The following RBM25 variants were observed in gnomAD, a reference collection of about 807,000 sequenced individuals.
RBM25 encodes the protein RNA-binding protein 25.
Under a neutral mutation model 120.7 loss-of-function variants are expected in RBM25, and 19 were observed. That is an observed-to-expected ratio of 0.16 (90% CI 0.11 to 0.23). The LOEUF (loss-of-function observed/expected upper bound fraction) is 0.23. Ranked by LOEUF, RBM25 falls within the 10% of genes least tolerant of loss-of-function variation. The probability of loss-of-function intolerance (pLI) is 1.00; values close to 1 mark genes in which losing one functional copy is unlikely to be tolerated. For synonymous variants in RBM25, 390 were observed against 326.7 expected (o/e 1.19, Z -2.09); for missense variants, 605 against 1,041.5 (o/e 0.58, Z 5.77).
rs1018593359 is a variant in RBM25, at chr14:73,099,809, A to G, written c.867+59A>G. The stretch of plus-strand genomic sequence containing the variant: ...TAGACTTTTTACAGAATCCAAAGCA[A>G]AGAGACAAAAAAAATCAACCTTAAA... On this transcript the variant is annotated intron_variant, in intron 9 of 18. Coordinates refer to ENST00000261973, the MANE Select transcript of RBM25 (RefSeq NM_021239.3). The G allele has an allele frequency of 7.9e-6, 12 of 1,520,450 alleles. No homozygotes were observed. In the African/African-American group the frequency reaches 1.6e-4, roughly 20 times the overall value. The allele number at this position is 1,520,450 out of a possible 1,614,324, so 94.2% of individuals were successfully genotyped here.
At chr14:73,088,812 T>C (rs928481627) in intron 6 of RBM25, among the ~76,000 whole-genome samples, 1 of 152,232 alleles carries the variant, frequency 6.6e-6, no homozygotes, top group African/African-American at 2.4e-5. Context: ...GAAGAGTCTT[T>C]CGCTGTCGTC....
intron 1 of RBM25, chr14:73,069,947 T>G (rs1439530808): frequency 6.6e-6 from 1 of 151,428 alleles, no homozygotes; most frequent in Non-Finnish European, 1.5e-5. Context: ...TTGGCTAATT[T>G]GGAAATTGTT....
chr14:73,123,679 A>G lies in RBM25; in HGVS notation c.*3874A>G, dbSNP rs943881114. On this transcript the variant is annotated 3_prime_UTR_variant, in exon 19 of 19. Transcript: ENST00000261973. The stretch of plus-strand genomic sequence containing the variant: ...CTTACACTTTTTGATAAACTGATAG[A>G]TTTTTTGTAATGTGATTATGGTAAA... The G allele has an allele frequency of 6.6e-6, 1 of 152,178 alleles. No individual in the cohort carries two copies. 9.4% of individuals were successfully genotyped at this position (152,178 alleles called of 1,614,324 possible).
chr14:73,094,045 G>A (rs189804071), intron 6 of RBM25, among the ~76,000 whole-genome samples: 2,201 of 144,862 alleles, frequency 0.015, 43 homozygotes, highest in African/African-American at 0.051. Flanking sequence ...TCCGCCTCCC[G>A]GGTTCACGCC....
At position 73,096,724 on chromosome 14, in the gene RBM25, A is replaced by G. The variant is rs3025761; in HGVS notation, c.544-191A>G. Among the ~76,000 whole-genome samples, 1,098 of 152,348 alleles carry G rather than the reference A, an allele frequency of 7.2e-3. 12 individuals are homozygous for G. The highest frequency in any genetic ancestry group is 0.025 in the African/African-American group (1,055 of 41,572). ...ATTAAGAAAAAGAAAATGAAAATGA[A>G]GTAGTATCTCAGGAATAGTTAAATA... On this transcript the variant is annotated intron_variant, in intron 6 of 18. Coordinates refer to ENST00000261973, the MANE Select transcript of RBM25 (RefSeq NM_021239.3).
intron 6 of RBM25, among the ~76,000 whole-genome samples, chr14:73,092,852 C>G (rs1273002827): frequency 6.6e-6 from 1 of 152,142 alleles, no homozygotes; most frequent in African/African-American, 2.4e-5. Flanking sequence ...CAGGCATGAG[C>G]CACTGTGCCC....
At chr14:73,065,696 G>T (rs2140421515) in intron 1 of RBM25, among the ~76,000 whole-genome samples, 1 of 152,200 alleles carries the variant, frequency 6.6e-6, no homozygotes, top group South Asian at 2.1e-4. Context: ...GGGATTACAG[G>T]CATGAGCCAC....
intron 9 of RBM25, chr14:73,102,963 A>G (rs1054885374): frequency 9.2e-6 from 7 of 762,816 alleles, no homozygotes; most frequent in Non-Finnish European, 1.3e-5. Flanking sequence ...ACAATCTCCC[A>G]GCATCCAAGA....
At chr14:73,108,538 A>G (rs3025768) in intron 13 of RBM25, among the ~76,000 whole-genome samples, 2,637 of 152,076 alleles carry the variant, frequency 0.017, 54 homozygotes, top group East Asian at 0.049. Context: ...TTTTCAAACT[A>G]CTCTCATTCT....
At chr14:73,098,737 G>A (rs758402879) in intron 7 of RBM25, among the ~76,000 whole-genome samples, 63 of 150,082 alleles carry the variant, frequency 4.2e-4, no homozygotes, top group Non-Finnish European at 7.4e-4. Flanking sequence ...TCTGCCTCCC[G>A]GGTTCAAGCG....
chr14:73,062,080 C>T (rs1197309530), intron 1 of RBM25, among the ~76,000 whole-genome samples: 1 of 151,330 alleles, frequency 6.6e-6, no homozygotes, highest in Non-Finnish European at 1.5e-5. Context: ...CAGCCCAGAA[C>T]TCCAGGGCTC....
intron 1 of RBM25, among the ~76,000 whole-genome samples, chr14:73,067,857 C>T (rs1895179148): frequency 6.6e-6 from 1 of 151,954 alleles, no homozygotes; most frequent in Non-Finnish European, 1.5e-5. Context: ...CTTCGGCCTC[C>T]CAAAGTGCTG....
At chr14:73,096,609 G>C (rs567923040) in intron 6 of RBM25, among the ~76,000 whole-genome samples, 2 of 151,856 alleles carry the variant, frequency 1.3e-5, no homozygotes, top group South Asian at 4.2e-4. Flanking sequence ...TGTACCTATT[G>C]AGCAAAACAG....
intron 6 of RBM25, among the ~76,000 whole-genome samples, chr14:73,094,810 G>GGTGT (rs60336075): frequency 6.6e-4 from 96 of 145,280 alleles, no homozygotes; most frequent in Admixed American, 1.4e-3. Context: ...ACAGGAGCGA[G>GGTGT]GTGTGTGTGT....
chr14:73,087,813 C>T (rs1156908410), intron 5 of RBM25, among the ~76,000 whole-genome samples, 188 bp from the exon 6 acceptor site: 1 of 151,750 alleles, frequency 6.6e-6, no homozygotes, highest in Admixed American at 6.6e-5. Context: ...CCCTTTTTTT[C>T]CCCTTTGGTT....
chr14:73,069,817 ATTTTTTTCTTTCTTTTTT>A (rs1895237088), intron 1 of RBM25: 1 of 134,596 alleles, frequency 7.4e-6, no homozygotes, highest in South Asian at 2.3e-4. Flanking sequence ...TGAAAAAAAA[ATTTTTTTCTTTCTTTTTT>A]TTTTTTTTTT....
intron 9 of RBM25, 178 bp from the exon 10 acceptor site, chr14:73,103,014 G>T (rs1429414580): frequency 1.5e-6 from 2 of 1,355,122 alleles, no homozygotes; most frequent in East Asian, 4.7e-5. Flanking sequence ...GGTTTTGCAC[G>T]AAATCTTTCT....
At chr14:73,101,863 AT>A (rs554896882) in intron 9 of RBM25, 1 of 152,092 alleles carries the variant, frequency 6.6e-6, no homozygotes, top group African/African-American at 2.4e-5. Context: ...CAGAAATGAG[AT>A]TTTTCCCCCT....
chr14:73,097,048 C>T lies in RBM25; in HGVS notation c.677C>T (p.Ser226Leu). Residue 226 changes from serine (S) to leucine (L), a missense_variant, in exon 7 of 19, where the codon TCA becomes TTA. Transcript: ENST00000261973. Reference sequence around the variant, plus strand: ...TACTCCAGTGAGCTAAATGCCCCCTCACAGGAATCTGATTCTCACCCCAGG... The same window carrying T: ...TACTCCAGTGAGCTAAATGCCCCCTTACAGGAATCTGATTCTCACCCCAGG... ...REYSSELNAP[S>L]QESDSHPRKK... 1.2e-6 allele frequency: 2 copies of T among 1,613,544 alleles called. No homozygotes were observed. Among genetic ancestry groups the T allele is most frequent in the Non-Finnish European group, 1.7e-6 (2 of 1,179,880 alleles).
Sources: gnomAD v4.1 joint callset for allele counts (sites outside exome capture counted in the v4.1 genomes callset) on GRCh38, gnomAD v4.1.1 for gene constraint, MANE v1.5 for transcripts, NCBI Gene and HGNC (gene_info 2026-07-23, HGNC 2026-07-21) for gene names.